Variants in FMN1 observed in about 807,000 individuals in gnomAD.
FMN1 encodes formin 1.
A neutral mutation model predicts 132.4 loss-of-function variants in FMN1; 110 were observed. That is an observed-to-expected ratio of 0.83 (90% confidence interval 0.71 to 0.97). The LOEUF is 0.97. Among genes scored for constraint, FMN1 ranks in the 50% least tolerant of loss-of-function variants. The pLI, the probability that FMN1 is intolerant of heterozygous loss-of-function variation, is 0.00. For synonymous variants in FMN1, 722 were observed against 651.7 expected (o/e 1.11, Z -1.64); for missense variants, 1,792 against 1,705.3 (o/e 1.05, Z -0.90).
chr15:33,102,558 C>T (rs928942176), intron 4 of FMN1, among the ~76,000 whole-genome samples: 3 of 152,032 alleles, frequency 2.0e-5, no homozygotes, highest in African/African-American at 4.8e-5. Context: ...TTCTCCCTGT[C>T]TTCTCTTTCT....
chr15:33,041,468 G>C (rs375984154), intron 6 of FMN1, among the ~76,000 whole-genome samples: 1 of 27,558 alleles, frequency 3.6e-5, no homozygotes, highest in African/African-American at 1.1e-4. Flanking sequence ...TTCCTCACCA[G>C]TAAACAAAAA....
chr15:33,161,760 T>C (rs765558307), intron 3 of FMN1, among the ~76,000 whole-genome samples: 2 of 151,764 alleles, frequency 1.3e-5, no homozygotes, highest in African/African-American at 4.8e-5. Flanking sequence ...CCACTAAAAA[T>C]ACAAAATATT....
chr15:33,191,030 C>T (rs1009222060), intron 2 of FMN1, among the ~76,000 whole-genome samples: 2 of 152,056 alleles, frequency 1.3e-5, no homozygotes, highest in African/African-American at 4.8e-5. Context: ...ATTAGCCAGG[C>T]GTGGTGGTGG....
In FMN1 at chr15:33,183,382, G is replaced by A. The variant is rs549356494; in HGVS notation, c.-196-3120C>T. On this transcript the variant is annotated intron_variant, in intron 2 of 20. Transcript: ENST00000616417. ...GGGCCTGTGGAATGCCAGTCCTTAC[G>A]ATGGACACTGAGGATAGAGAAATAC... 4.1e-4 allele frequency among the ~76,000 whole-genome samples: 63 copies of A among 152,296 alleles called. 1 individual carries two copies. The highest frequency in any genetic ancestry group is 1.1e-3 in the African/African-American group (44 of 41,572).
chr15:33,078,855 A>G (rs553775507), intron 5 of FMN1, among the ~76,000 whole-genome samples: 106 of 152,322 alleles, frequency 7.0e-4, no homozygotes, highest in African/African-American at 2.5e-3. Context: ...TAAATGACGT[A>G]CGTAGCAAGA....
intron 19 of FMN1, among the ~76,000 whole-genome samples, chr15:32,792,503 T>C (rs1035700151): frequency 2.0e-5 from 3 of 151,458 alleles, no homozygotes; most frequent in Non-Finnish European, 4.4e-5. Context: ...TGGCAAAGAA[T>C]TAGTTAGAAG....
chr15:32,877,145 G>C (rs1596152788), intron 16 of FMN1, among the ~76,000 whole-genome samples: 1 of 152,142 alleles, frequency 6.6e-6, no homozygotes, highest in Non-Finnish European at 1.5e-5. Flanking sequence ...AAATTAGCTG[G>C]GCATGCTGGC....
chr15:33,145,684 C>T (rs1000930571), intron 4 of FMN1, among the ~76,000 whole-genome samples: 3 of 151,120 alleles, frequency 2.0e-5, no homozygotes, highest in Non-Finnish European at 4.4e-5. Flanking sequence ...CATCCCAGCC[C>T]TCAAGCAGAA....
At chr15:33,058,919 C>T (rs1046299987) in intron 6 of FMN1, among the ~76,000 whole-genome samples, 2 of 152,270 alleles carry the variant, frequency 1.3e-5, no homozygotes, top group Admixed American at 6.5e-5. Context: ...GAAATTTATT[C>T]TTATTTTGAA....
chr15:32,911,770 G>A (rs1015571029), intron 10 of FMN1, among the ~76,000 whole-genome samples: 12 of 152,080 alleles, frequency 7.9e-5, no homozygotes, highest in Non-Finnish European at 1.5e-4. Flanking sequence ...ATATGCTAGA[G>A]TCAAAGTAAG....
Position 32,821,113 on chromosome 15 carries a change from T to C in FMN1, c.3929-16781A>G, listed in dbSNP as rs963700151. 2.7e-5 allele frequency among the ~76,000 whole-genome samples: 4 copies of C among 149,954 alleles called. No individual in the cohort carries two copies. In the East Asian group the frequency reaches 6.1e-4, roughly 23 times the overall value. ...TTCAAATGTCACAGATTTTCTAAGA[T>C]ACAATTTTCTAAGAGATAATCAGAT... On this transcript the variant is annotated intron_variant, in intron 17 of 20. Coordinates refer to ENST00000616417, the MANE Select transcript of FMN1 (RefSeq NM_001277313.2).
intron 16 of FMN1, among the ~76,000 whole-genome samples, chr15:32,869,118 T>C (rs116603274): frequency 1.4e-3 from 208 of 152,268 alleles, no homozygotes; most frequent in African/African-American, 4.8e-3. Context: ...ATAAAAGTAA[T>C]ACATGATGAG....
At chr15:32,993,257 C>G (rs986150046) in intron 7 of FMN1, among the ~76,000 whole-genome samples, 2 of 151,336 alleles carry the variant, frequency 1.3e-5, no homozygotes, top group Non-Finnish European at 2.9e-5. Context: ...TCAAATAGGT[C>G]AAATATCAGC....
chr15:32,985,349 C>T (rs2032998970), intron 7 of FMN1, among the ~76,000 whole-genome samples: 1 of 152,126 alleles, frequency 6.6e-6, no homozygotes, highest in Non-Finnish European at 1.5e-5. Context: ...GCTGTGCTAA[C>T]GTCTCTTCCT....
intron 6 of FMN1, among the ~76,000 whole-genome samples, chr15:33,041,281 G>GTCCC (rs1471765326): frequency 6.6e-6 from 1 of 150,878 alleles, no homozygotes; most frequent in Non-Finnish European, 1.5e-5. Flanking sequence ...TCTTCAACCC[G>GTCCC]TAACACCTAA....
At chr15:33,046,557 C>T (rs1041492738) in intron 6 of FMN1, among the ~76,000 whole-genome samples, 32 of 152,208 alleles carry the variant, frequency 2.1e-4, no homozygotes, top group African/African-American at 7.7e-4. Flanking sequence ...TCTATGCAAC[C>T]CCTTGGTCAG....
At chr15:32,870,750 T>C (rs2059496061) in intron 16 of FMN1, among the ~76,000 whole-genome samples, 1 of 152,164 alleles carries the variant, frequency 6.6e-6, no homozygotes, top group Non-Finnish European at 1.5e-5. Flanking sequence ...TTGGGCATGA[T>C]TTGATTTATA....
At chr15:33,015,647 T>C (rs11632993) in intron 6 of FMN1, among the ~76,000 whole-genome samples, 27,783 of 152,030 alleles carry the variant, frequency 0.18, 2,607 homozygotes, top group Admixed American at 0.21. Flanking sequence ...GGCCTGTGCC[T>C]CTCACTGGCC....
intron 19 of FMN1, among the ~76,000 whole-genome samples, chr15:32,797,680 GTTGAT>G (rs1192604929): frequency 6.6e-6 from 1 of 152,082 alleles, no homozygotes; most frequent in African/African-American, 2.4e-5. Flanking sequence ...GGGAAGATGT[GTTGAT>G]AAACACATCT....
Sources: allele counts gnomAD v4.1 joint callset (sites outside exome capture counted in the v4.1 genomes callset), GRCh38; gene constraint gnomAD v4.1.1; transcripts MANE v1.5; gene names NCBI Gene and HGNC (gene_info 2026-07-23, HGNC 2026-07-21).